SH2D5: variants seen among roughly 807,000 people sequenced by gnomAD.
The protein encoded by SH2D5 is SH2 domain-containing protein 5.
Under a neutral mutation model 48.2 loss-of-function variants are expected in SH2D5, and 45 were observed. The observed-to-expected ratio is 0.93, with a 90% CI of 0.73 to 1.20. The LOEUF is 1.20. Ranked by LOEUF, SH2D5 falls within the 50% of genes most tolerant of loss-of-function variation. SH2D5 has a pLI of 0.00. For synonymous variants in SH2D5, 230 were observed against 249.8 expected (o/e 0.92, Z 0.75); for missense variants, 538 against 584.1 (o/e 0.92, Z 0.81).
chr1:20,723,794 C>T (rs563267564), intron 7 of SH2D5, 60 bp from the exon 8 acceptor site: 9 of 1,396,710 alleles, frequency 6.4e-6, no homozygotes, highest in African/African-American at 5.7e-5. Context: ...TCCCTGCGGC[C>T]GCAGGCCTCA....
intron 5 of SH2D5, 31 bp from the exon 6 acceptor site, chr1:20,724,666 T>C (rs765204246): frequency 2.0e-6 from 3 of 1,505,446 alleles, no homozygotes; most frequent in South Asian, 1.3e-5. Context: ...TGGGCTCAGC[T>C]GGAGGAGGTC....
At chr1:20,731,069 G>A (rs984076333) in intron 1 of SH2D5, 2 of 152,376 alleles carry the variant, frequency 1.3e-5, no homozygotes, top group Non-Finnish European at 2.9e-5. Flanking sequence ...CTCTGGAGCT[G>A]TTTCCTCAGG....
intron 9 of SH2D5, 108 bp downstream of exon 9, chr1:20,722,648 T>A: frequency 1.7e-6 from 2 of 1,162,374 alleles, no homozygotes; most frequent in Non-Finnish European, 2.3e-6. Flanking sequence ...GGGATGGGGG[T>A]GAGGCACATT....
chr1:20,721,796 C>T lies in SH2D5; in HGVS notation c.1268G>A (p.Gly423Asp). 1 of 1,566,998 alleles carries T rather than the reference C, an allele frequency of 6.4e-7. No individual in the cohort carries two copies. The highest frequency in any genetic ancestry group is 8.7e-7 in the Non-Finnish European group (1 of 1,154,676). Reference sequence around the variant, plus strand: ...GTGGGACCGGGGCCCTACCTCTTAGCCCAGGCCCTGCAGCTCTGCCTCGGA... The same window carrying T: ...GTGGGACCGGGGCCCTACCTCTTAGTCCAGGCCCTGCAGCTCTGCCTCGGA... The part of the protein sequence containing the change: ...AKSEAELQGL[G>D] Residue 423 changes from glycine to aspartate, a missense_variant, in exon 10 of 10, where the codon GGC becomes GAC. Coordinates refer to ENST00000444387, the MANE Select transcript of SH2D5 (RefSeq NM_001103161.2).
intron 8 of SH2D5, 152 bp from the exon 9 acceptor site, chr1:20,723,067 G>GTGCTGGGATTA: frequency 2.8e-6 from 2 of 712,750 alleles, no homozygotes; most frequent in Non-Finnish European, 4.2e-6. Context: ...TGTAATCCCA[G>GTGCTGGGATTA]CACTTTGGGA....
chr1:20,730,306 CGGG>C (rs58462623), intron 1 of SH2D5, among the ~76,000 whole-genome samples: 12,500 of 134,346 alleles, frequency 0.093, 677 homozygotes, highest in South Asian at 0.12. Flanking sequence ...CCATCCTGCT[CGGG>C]GGGGGGGGGG....
Position 20,729,672 on chromosome 1 carries a change from G to A in SH2D5, c.-42-1586C>T, listed in dbSNP as rs2154538704. ...CCCTGGGCAGCAACGACGGGTCCCG[G>A]GTGTGCTCCCACTCAAGGAGGAGGG... On this transcript the variant is annotated intron_variant, in intron 1 of 9. Coordinates refer to ENST00000444387, the MANE Select transcript of SH2D5 (RefSeq NM_001103161.2). The surrounding 1 kb of genome is among the most constrained non-coding windows in gnomAD (Gnocchi z 4.2). Among the ~76,000 whole-genome samples the A allele has an allele frequency of 6.6e-6, 1 of 152,168 alleles. No individual in the cohort carries two copies. The highest frequency in any genetic ancestry group is 1.9e-4 in the East Asian group (1 of 5,162).
At chr1:20,730,316 G>GC (rs1337247765) in intron 1 of SH2D5, among the ~76,000 whole-genome samples, 69 of 147,604 alleles carry the variant, frequency 4.7e-4, no homozygotes, top group Non-Finnish European at 7.2e-4. Flanking sequence ...CGGGGGGGGG[G>GC]GGGACGCAGC....
intron 1 of SH2D5, chr1:20,731,568 G>C (rs1359412561): frequency 1.3e-5 from 2 of 152,358 alleles, no homozygotes; most frequent in African/African-American, 2.4e-5. Context: ...TGGGGTGGTG[G>C]AGGCGGCATG....
In SH2D5 at chr1:20,719,838, A is replaced by G. The variant is rs1339723010; in HGVS notation, c.*1954T>C. ...GAAAACTGTGGTCTCTGATTAAGAC[A>G]TGGAGTCTGCAAACAGGGGCCAAAA... On this transcript the variant is annotated 3_prime_UTR_variant, in exon 10 of 10. Coordinates refer to ENST00000444387, the MANE Select transcript of SH2D5 (RefSeq NM_001103161.2). 1 of 152,248 alleles carries G rather than the reference A, an allele frequency of 6.6e-6. No homozygotes were observed. The highest frequency in any genetic ancestry group is 1.5e-5 in the Non-Finnish European group (1 of 68,054). 9.4% of individuals were successfully genotyped at this position (152,248 alleles called of 1,614,324 possible).
At position 20,728,032 on chromosome 1, in the gene SH2D5, C is replaced by A; in HGVS notation, c.13G>T (p.Gly5Trp). Reference sequence around the variant, plus strand: ...TCAGAGGCCCTGCGGCCCCCAGCCCCCGCCTTCTGCATGGCCCCCAGGGTG... The same window carrying A: ...TCAGAGGCCCTGCGGCCCCCAGCCCACGCCTTCTGCATGGCCCCCAGGGTG... MQKA[G>W]AGGRRASDCG... Residue 5 changes from glycine (G) to tryptophan (W), a missense_variant, in exon 2 of 10, where the codon GGG becomes TGG. Coordinates refer to ENST00000444387, the MANE Select transcript of SH2D5 (RefSeq NM_001103161.2). This position sits in a 1 kb window ranked among gnomAD's most constrained non-coding sequence, Gnocchi z 4.3. 6.5e-7 allele frequency: 1 copy of A among 1,549,310 alleles called. No homozygotes were observed. The highest frequency in any genetic ancestry group is 2.4e-5 in the East Asian group (1 of 41,288).
At chr1:20,726,490 G>C (rs1285952491) in intron 4 of SH2D5, among the ~76,000 whole-genome samples, 1 of 152,052 alleles carries the variant, frequency 6.6e-6, no homozygotes, top group Admixed American at 6.5e-5. Context: ...CCAGGGCCCC[G>C]CAATGCCCAG....
chr1:20,722,573 G>C (rs1037131289), intron 9 of SH2D5, among the ~76,000 whole-genome samples, 183 bp downstream of exon 9: 4 of 152,230 alleles, frequency 2.6e-5, no homozygotes, highest in African/African-American at 9.6e-5. Flanking sequence ...TGAGGAAGGA[G>C]CAGGACAGTA....
At chr1:20,726,418 C>T (rs1010220176) in intron 4 of SH2D5, among the ~76,000 whole-genome samples, 1 of 152,132 alleles carries the variant, frequency 6.6e-6, no homozygotes, top group Non-Finnish European at 1.5e-5. Flanking sequence ...ATATGAGGGC[C>T]TCTCGATAGG....
In SH2D5 at chr1:20,723,706, C is replaced by A. The variant is rs752820685; in HGVS notation, c.828G>T (p.Arg276=). ...AFPAAWEAWP[R]GPGGHSCLVE... ...CCAGGCACGAGTGGCCACCAGGACC[C>A]CGGGGCCATGCCTCCCATGCGGCAG... The change falls in exon 8 of 10, where the codon CGG becomes CGT. Residue 276 remains arginine, a synonymous_variant. Coordinates refer to ENST00000444387, the MANE Select transcript of SH2D5 (RefSeq NM_001103161.2). 4.3e-6 allele frequency: 7 copies of A among 1,613,022 alleles called. No homozygotes were observed. The South Asian group carries it at 7.7e-5, about 18-fold the overall frequency.
chr1:20,723,823 T>C (rs888872350), intron 7 of SH2D5, 89 bp from the exon 8 acceptor site: 9 of 1,125,492 alleles, frequency 8.0e-6, no homozygotes, highest in East Asian at 5.1e-5. Context: ...GGTGGTGTCC[T>C]CCCCAAGCCT....
At chr1:20,731,376 G>A (rs2054905774) in intron 1 of SH2D5, 1 of 152,414 alleles carries the variant, frequency 6.6e-6, no homozygotes, top group Non-Finnish European at 1.5e-5. Context: ...TGGCTGGCGT[G>A]ACCTTGGGCA....
In SH2D5 at chr1:20,729,740, G is replaced by A. The variant is rs887629557; in HGVS notation, c.-42-1654C>T. 1.3e-5 allele frequency among the ~76,000 whole-genome samples: 2 copies of A among 152,180 alleles called. No individual in the cohort carries two copies. The highest frequency in any genetic ancestry group is 2.4e-5 in the African/African-American group (1 of 41,446). On this transcript the variant is annotated intron_variant, in intron 1 of 9. Coordinates refer to ENST00000444387, the MANE Select transcript of SH2D5 (RefSeq NM_001103161.2). This position sits in a 1 kb window ranked among gnomAD's most constrained non-coding sequence, Gnocchi z 4.2. Reference sequence around the variant, plus strand: ...TGACTCTGTTAGCACCAAGAGCCCGGGAAGGGACCCTGTCTCTGCCTGCCC... The same window carrying A: ...TGACTCTGTTAGCACCAAGAGCCCGAGAAGGGACCCTGTCTCTGCCTGCCC...
Position 20,720,672 on chromosome 1 carries a change from C to G in SH2D5, c.*1120G>C, listed in dbSNP as rs1414973888. The G allele has an allele frequency of 6.6e-6, 1 of 152,288 alleles. No homozygotes were observed. Among genetic ancestry groups the G allele is most frequent in the African/African-American group, 2.4e-5 (1 of 41,468 alleles). The allele number at this position is 152,288 out of a possible 1,614,324, so 9.4% of individuals were successfully genotyped here. A position where few individuals can be genotyped will look rare whatever the true frequency, so the allele number is the denominator to read the frequency against. On this transcript the variant is annotated 3_prime_UTR_variant, in exon 10 of 10. Transcript: ENST00000444387. ...TGTCAGTCACTGGCAGGACCACTGC[C>G]TCACACTAGAGTCGTTTCCCTGGGT... is the stretch of plus-strand genomic sequence containing the variant.
Sources: gnomAD v4.1 joint callset for allele counts (sites outside exome capture counted in the v4.1 genomes callset) on GRCh38, gnomAD v4.1.1 for gene constraint, Gnocchi (gnomAD v3.1) non-coding constraint, MANE v1.5 for transcripts, NCBI Gene and HGNC (gene_info 2026-07-23, HGNC 2026-07-21) for gene names.